Variants in RUFY3 observed in about 807,000 individuals in gnomAD.
RUFY3 encodes RUN and FYVE domain containing 3.
In RUFY3, 34 loss-of-function variants were observed where a neutral mutation model predicts 84.0. The ratio of observed to expected loss-of-function variants is 0.40; its 90% CI spans 0.31 to 0.54. The LOEUF (loss-of-function observed/expected upper bound fraction) is 0.54, where lower values mean the gene tolerates loss of function less well. Ranked by LOEUF, RUFY3 falls within the 20% of genes least tolerant of loss-of-function variation. The pLI is 0.39. For synonymous variants in RUFY3, 242 were observed against 252.9 expected (o/e 0.96, Z 0.41); for missense variants, 507 against 736.8 (o/e 0.69, Z 3.61).
chr4:70,729,695 C>T (rs949616864), intron 1 of RUFY3, among the ~76,000 whole-genome samples: 3 of 152,144 alleles, frequency 2.0e-5, no homozygotes, highest in African/African-American at 7.2e-5. Context: ...GTAGCTGAAG[C>T]CACAGCAGTT....
chr4:70,803,059 G>A (rs949322419), intron 16 of RUFY3, 76 bp downstream of exon 16: 2 of 1,077,208 alleles, frequency 1.9e-6, no homozygotes, highest in Non-Finnish European at 2.8e-6. Context: ...CAGCAAATAA[G>A]GTAGCATGGG....
intron 1 of RUFY3, among the ~76,000 whole-genome samples, chr4:70,724,788 G>A (rs955532402): frequency 6.6e-6 from 1 of 152,156 alleles, no homozygotes; most frequent in Non-Finnish European, 1.5e-5. Flanking sequence ...TTACTGCCTT[G>A]CTCCATTACC....
intron 1 of RUFY3, among the ~76,000 whole-genome samples, chr4:70,749,757 C>T (rs1486303986): frequency 6.6e-6 from 1 of 151,286 alleles, no homozygotes; most frequent in Non-Finnish European, 1.5e-5. Flanking sequence ...TCAAGCCATC[C>T]TCCCACCTCA....
chr4:70,718,875 C>CTGTAATA (rs757772439), upstream of RUFY3, among the ~76,000 whole-genome samples: 917 of 152,136 alleles, frequency 6.0e-3, 10 homozygotes, highest in African/African-American at 0.019. Flanking sequence ...GCCACCACGC[C>CTGTAATA]CAGCTAATTT....
At chr4:70,773,468 G>C (rs752067908) in intron 5 of RUFY3, 43 bp from the exon 6 acceptor site, 3 of 1,416,218 alleles carry the variant, frequency 2.1e-6, no homozygotes, top group South Asian at 1.2e-5. Flanking sequence ...GCCTTGTAAA[G>C]AATATCTAAT....
At chr4:70,791,218 T>C in intron 12 of RUFY3, 1 of 1,609,544 alleles carries the variant, frequency 6.2e-7, no homozygotes, top group Non-Finnish European at 8.5e-7. Context: ...ATTTTTATTT[T>C]ATTTAGTGAA....
At chr4:70,759,911 T>A (rs1724737356) in intron 1 of RUFY3, among the ~76,000 whole-genome samples, 1 of 152,230 alleles carries the variant, frequency 6.6e-6, no homozygotes, top group African/African-American at 2.4e-5. Flanking sequence ...TCAGTGCTAC[T>A]GACATCTAGT....
chr4:70,730,037 C>G (rs545465847), intron 1 of RUFY3, among the ~76,000 whole-genome samples: 30 of 150,600 alleles, frequency 2.0e-4, no homozygotes, highest in Non-Finnish European at 3.8e-4. Flanking sequence ...CCAGTTCAAG[C>G]GATTCTCCTG....
chr4:70,726,017 G>A (rs958690233), intron 1 of RUFY3, among the ~76,000 whole-genome samples: 1 of 152,238 alleles, frequency 6.6e-6, no homozygotes, highest in Admixed American at 6.5e-5. Context: ...TAAGATTTGT[G>A]TTTGGAATGA....
intron 7 of RUFY3, 113 bp from the exon 8 acceptor site, chr4:70,778,252 AAAAT>A (rs778657217): frequency 7.1e-5 from 30 of 419,676 alleles, no homozygotes; most frequent in Non-Finnish European, 1.1e-4. Context: ...TAATAATAAT[AAAAT>A]AAAAAATTAT....
intron 1 of RUFY3, among the ~76,000 whole-genome samples, chr4:70,754,065 C>T (rs76536699): frequency 2.8e-4 from 39 of 140,508 alleles, no homozygotes; most frequent in Middle Eastern, 3.6e-3. Context: ...TTTTTTTTTT[C>T]GAGATGGAGT....
rs1193785326 is a variant in RUFY3 at position 70,727,636 on chromosome 4, A to G, written c.178+4885A>G. 2.0e-5 allele frequency among the ~76,000 whole-genome samples: 3 copies of G among 151,088 alleles called. No homozygotes were observed. The East Asian group carries it at 6.0e-4, about 30-fold the overall frequency. On this transcript the variant is annotated intron_variant, in intron 1 of 17. Coordinates refer to ENST00000381006, the MANE Select transcript of RUFY3 (RefSeq NM_001037442.4). ...CTCCCAAAGTGCTGGGATTACAAAA[A>G]ATTAGCTGGGCGTGGTGGCGGGTGC...
intron 14 of RUFY3, among the ~76,000 whole-genome samples, chr4:70,799,146 A>G (rs1182307135): frequency 1.4e-5 from 2 of 143,452 alleles, no homozygotes; most frequent in African/African-American, 5.4e-5. Context: ...CTCCGTCTCA[A>G]AAAAAAAAAA....
At chr4:70,798,940 G>A (rs1017348334) in intron 14 of RUFY3, among the ~76,000 whole-genome samples, 4 of 149,660 alleles carry the variant, frequency 2.7e-5, no homozygotes, top group African/African-American at 7.4e-5. Flanking sequence ...TACCTGGGTC[G>A]GGAGTTCAAG....
chr4:70,755,013 C>T (rs371634443), intron 1 of RUFY3, among the ~76,000 whole-genome samples: 12 of 151,892 alleles, frequency 7.9e-5, no homozygotes, highest in South Asian at 2.1e-4. Flanking sequence ...AAGCGATTCT[C>T]CTGCCTCAGT....
At position 70,705,100 on chromosome 4, in the gene RUFY3, C is replaced by A. The variant is rs1168118316; in HGVS notation, c.164C>A (p.Ser55Ter). Reference sequence around the variant, plus strand: ...CCGCCGGCCTCCCCCGCCGGGCAGTCGGAGCCCGACTCGCCGGTGGCCGCC... The same window carrying A: ...CCGCCGGCCTCCCCCGCCGGGCAGTAGGAGCCCGACTCGCCGGTGGCCGCC... Residue 55 changes from serine to a stop codon, truncating the protein, a stop_gained, in exon 1 of 12, where the codon TCG becomes TAG. Coordinates refer to the RUFY3 transcript ENST00000417478. LOFTEE classifies it high-confidence loss of function. The A allele has an allele frequency of 1.4e-6, 2 of 1,397,988 alleles. No homozygotes were observed. The highest frequency in any genetic ancestry group is 1.9e-6 in the Non-Finnish European group (2 of 1,076,418). The allele number at this position is 1,397,988 out of a possible 1,614,324, so 86.6% of individuals were successfully genotyped here.
intron 6 of RUFY3, among the ~76,000 whole-genome samples, chr4:70,774,248 G>T (rs1727457070): frequency 6.6e-6 from 1 of 151,812 alleles, no homozygotes; most frequent in African/African-American, 2.4e-5. Context: ...TTTATCTTTT[G>T]TCTACTACAG....
chr4:70,759,400 GTA>G (rs1019545137), intron 1 of RUFY3, among the ~76,000 whole-genome samples: 3 of 136,064 alleles, frequency 2.2e-5, no homozygotes, highest in African/African-American at 8.0e-5. Flanking sequence ...GTGTGTGTGT[GTA>G]TACCACATTT....
chr4:70,784,508 AC>A (rs1465385288), intron 9 of RUFY3, among the ~76,000 whole-genome samples: 1 of 151,936 alleles, frequency 6.6e-6, no homozygotes, highest in East Asian at 1.9e-4. Flanking sequence ...AAAACCTATA[AC>A]CCAACTCATA....
Sources: allele counts gnomAD v4.1 joint callset (sites outside exome capture counted in the v4.1 genomes callset), GRCh38; gene constraint gnomAD v4.1.1; transcripts MANE v1.5; gene names NCBI Gene and HGNC (gene_info 2026-07-23, HGNC 2026-07-21).